Variants in AGBL4 observed in about 807,000 individuals in gnomAD.
AGBL4 encodes AGBL carboxypeptidase 4.
AGBL4 carries 58 observed loss-of-function variants against 66.4 expected under a neutral mutation model. That is an observed-to-expected ratio of 0.87 (90% CI 0.71 to 1.09). The LOEUF (loss-of-function observed/expected upper bound fraction) is 1.09, where lower values mean the gene tolerates loss of function less well. Ranked by LOEUF, AGBL4 falls within the 50% of genes least tolerant of loss-of-function variation. The pLI is 0.00. For synonymous variants in AGBL4, 234 were observed against 222.9 expected, an observed-to-expected ratio of 1.05 and a Z score of -0.44; for missense variants, 579 against 631.0, an observed-to-expected ratio of 0.92 and a Z score of 0.88.
chr1:49,748,040 A>G (rs1047053396), intron 2 of AGBL4, among the ~76,000 whole-genome samples: 1 of 151,852 alleles, frequency 6.6e-6, no homozygotes, highest in African/African-American at 2.4e-5. Flanking sequence ...TTTGGGATAC[A>G]TGTGCGGAAT....
chr1:48,992,769 G>C (rs552897546), intron 5 of AGBL4, among the ~76,000 whole-genome samples: 1 of 152,106 alleles, frequency 6.6e-6, no homozygotes, highest in South Asian at 2.1e-4. Context: ...ACCACCACAG[G>C]GCCCATGAGG....
chr1:49,421,985 C>A (rs1395789116), intron 3 of AGBL4, among the ~76,000 whole-genome samples: 1 of 152,148 alleles, frequency 6.6e-6, no homozygotes, highest in African/African-American at 2.4e-5. Context: ...ATGTGTCTTT[C>A]ATTGCAGTAA....
intron 3 of AGBL4, among the ~76,000 whole-genome samples, chr1:49,342,722 C>T (rs573722495): frequency 6.6e-6 from 1 of 152,310 alleles, no homozygotes; most frequent in East Asian, 1.9e-4. Context: ...TGAGTCCTTT[C>T]TGGTTTGACA....
intron 3 of AGBL4, among the ~76,000 whole-genome samples, chr1:49,371,902 G>T (rs906478074): frequency 6.6e-6 from 1 of 151,138 alleles, no homozygotes; most frequent in Non-Finnish European, 1.5e-5. Flanking sequence ...CCCTGATGGT[G>T]TCTCAGACCT....
At chr1:48,643,931 A>C (rs753356745) in intron 8 of AGBL4, among the ~76,000 whole-genome samples, 1 of 152,126 alleles carries the variant, frequency 6.6e-6, no homozygotes, top group Non-Finnish European at 1.5e-5. Context: ...GGGAAAGTTG[A>C]ATTTTGAAGT....
chr1:48,828,961 T>C (rs1646490483), intron 6 of AGBL4, among the ~76,000 whole-genome samples: 1 of 152,180 alleles, frequency 6.6e-6, no homozygotes, highest in African/African-American at 2.4e-5. Context: ...TCACAACCAT[T>C]GCTCTTTGCT....
intron 6 of AGBL4, among the ~76,000 whole-genome samples, chr1:48,750,902 C>A (rs907775981): frequency 2.6e-5 from 4 of 152,098 alleles, no homozygotes; most frequent in African/African-American, 7.2e-5. Context: ...AATTACCCCC[C>A]ACACTCAGAG....
intron 6 of AGBL4, among the ~76,000 whole-genome samples, chr1:48,745,678 A>G (rs1373452419): frequency 1.3e-5 from 2 of 152,190 alleles, no homozygotes; most frequent in East Asian, 3.9e-4. Context: ...CTCAAATGCC[A>G]TCTCTCCAAT....
intron 4 of AGBL4, among the ~76,000 whole-genome samples, chr1:49,055,894 A>G (rs760612711): frequency 6.6e-6 from 1 of 151,990 alleles, no homozygotes; most frequent in Non-Finnish European, 1.5e-5. Context: ...AAAATATACA[A>G]TTTTTTTTAG....
At chr1:49,207,456 TTTTC>T (rs1252954557) in intron 4 of AGBL4, among the ~76,000 whole-genome samples, 6 of 14,536 alleles carry the variant, frequency 4.1e-4, no homozygotes, top group African/African-American at 1.4e-3. Context: ...CTTTCTTTCT[TTTTC>T]TTTCTTTCTC....
intron 3 of AGBL4, among the ~76,000 whole-genome samples, chr1:49,354,895 G>C (rs1643986829): frequency 6.6e-6 from 1 of 152,172 alleles, no homozygotes; most frequent in Admixed American, 6.5e-5. Flanking sequence ...GTATGTAGCT[G>C]GAGCCTATCC....
intron 4 of AGBL4, among the ~76,000 whole-genome samples, chr1:49,064,952 T>TTAGTTTTATAAGTTATTATA (rs1257171743): frequency 1.3e-5 from 2 of 152,214 alleles, no homozygotes; most frequent in African/African-American, 2.4e-5. Context: ...AATTTCATTA[T>TTAGTTTTATAAGTTATTATA]AATGTTATTA....
At chr1:48,828,196 A>AG (rs1364847276) in intron 6 of AGBL4, among the ~76,000 whole-genome samples, 10 of 151,430 alleles carry the variant, frequency 6.6e-5, no homozygotes, top group South Asian at 4.2e-4. Context: ...AAAAAAAAAA[A>AG]AAAAGAAAAA....
chr1:49,326,973 C>A (rs1645239916), intron 3 of AGBL4, among the ~76,000 whole-genome samples: 1 of 152,144 alleles, frequency 6.6e-6, no homozygotes, highest in Admixed American at 6.5e-5. Flanking sequence ...CTTCTAGAGT[C>A]TACCTGCGTT....
In AGBL4 at chr1:49,921,252, GA is replaced by G. The variant is rs1208290298; in HGVS notation, c.35-69735del. On this transcript the variant is annotated intron_variant, in intron 1 of 13. Transcript: ENST00000371839. ...CTCAAAGTATAACTTTTAAAAAAAA[GA>G]AAAAAAAACAAACAAACAATTCTAA... 1.4e-4 allele frequency among the ~76,000 whole-genome samples: 21 copies of G among 145,252 alleles called. No individual in the cohort carries two copies. In the South Asian group the frequency reaches 1.5e-3, roughly 11 times the overall value.
intron 3 of AGBL4, among the ~76,000 whole-genome samples, chr1:49,573,146 C>T (rs868274812): frequency 7.3e-6 from 1 of 136,580 alleles, no homozygotes; most frequent in African/African-American, 2.7e-5. Context: ...GTGTGTGTGT[C>T]TGTGTGTGTG....
chr1:50,014,892 C>T (rs1661861111), intron 1 of AGBL4, among the ~76,000 whole-genome samples: 1 of 152,166 alleles, frequency 6.6e-6, no homozygotes, highest in Non-Finnish European at 1.5e-5. Flanking sequence ...TGTGTGCTTG[C>T]ACGTACTGTG....
chr1:48,572,439 G>A (rs1644580835), intron 11 of AGBL4, among the ~76,000 whole-genome samples: 1 of 152,044 alleles, frequency 6.6e-6, no homozygotes, highest in Non-Finnish European at 1.5e-5. Context: ...AGTGGAAGAG[G>A]TGGGAGGAAA....
chr1:49,971,904 TG>T (rs1557630004), intron 1 of AGBL4, among the ~76,000 whole-genome samples: 1 of 114,416 alleles, frequency 8.7e-6, no homozygotes, highest in Non-Finnish European at 1.8e-5. Context: ...AGGGTTTTTT[TG>T]GGTTTTTTTT....
Sources: allele counts gnomAD v4.1 joint callset (sites outside exome capture counted in the v4.1 genomes callset), GRCh38; gene constraint gnomAD v4.1.1; transcripts MANE v1.5; gene names NCBI Gene and HGNC (gene_info 2026-07-23, HGNC 2026-07-21).